DOCK4: variants seen among roughly 807,000 people sequenced by gnomAD.
DOCK4 encodes dedicator of cytokinesis 4.
DOCK4 carries 97 observed loss-of-function variants against 268.1 expected under a neutral mutation model. That is an observed-to-expected ratio of 0.36 (90% CI 0.31 to 0.43). The LOEUF (loss-of-function observed/expected upper bound fraction) is 0.43, where lower values mean the gene tolerates loss of function less well. DOCK4 is among the 20% of genes least tolerant of loss of function. The pLI is 1.00. For synonymous variants in DOCK4, 954 were observed against 887.2 expected (o/e 1.08, Z -1.34); for missense variants, 2,145 against 2,455.7 (o/e 0.87, Z 2.67).
At position 111,933,306 on chromosome 7, in the gene DOCK4, T is replaced by A. The variant is rs565680007; in HGVS notation, c.1066+2234A>T. ...TATATATATATATATATATTTTTTT[T>A]TTTTTTTGAGATGGAGTCTCTCTCT... is the stretch of plus-strand genomic sequence containing the variant. On this transcript the variant is annotated intron_variant, in intron 12 of 52. Coordinates refer to ENST00000428084, the MANE Select transcript of DOCK4 (RefSeq NM_001363540.2). Among the ~76,000 whole-genome samples the A allele has an allele frequency of 1.5e-3, 216 of 139,440 alleles. 12 individuals carry two copies. Among genetic ancestry groups the A allele is most frequent in the African/African-American group, 5.1e-3 (187 of 36,764 alleles). The allele number at this position is 139,440 out of a possible 152,430, so 91.5% of individuals were successfully genotyped here.
At chr7:111,960,111 A>T (rs1445455575) in intron 8 of DOCK4, among the ~76,000 whole-genome samples, 1 of 152,112 alleles carries the variant, frequency 6.6e-6, no homozygotes, top group African/African-American at 2.4e-5. Flanking sequence ...CACGCCTGTT[A>T]TCCTAGCACT....
intron 1 of DOCK4, among the ~76,000 whole-genome samples, chr7:112,018,542 T>C (rs1188057324): frequency 1.3e-5 from 2 of 152,326 alleles, no homozygotes; most frequent in African/African-American, 4.8e-5. Context: ...GCTAATGAAA[T>C]TAGCTTTCCA....
chr7:111,859,525 C>T (rs112306042), intron 23 of DOCK4, among the ~76,000 whole-genome samples: 2,523 of 151,572 alleles, frequency 0.017, 41 homozygotes, highest in Non-Finnish European at 0.028. Context: ...CTCAAAAAAT[C>T]CTTTTGCTGT....
rs1283579089 is a variant in DOCK4 at position 111,869,565 on chromosome 7, T to C, written c.2109+9A>G. 2 of 1,612,924 alleles carry C rather than the reference T, an allele frequency of 1.2e-6. No homozygotes were observed. Among genetic ancestry groups the C allele is most frequent in the Non-Finnish European group, 8.5e-7 (1 of 1,179,076 alleles). On this transcript the variant is annotated intron_variant, in intron 21 of 52. Coordinates refer to ENST00000428084, the MANE Select transcript of DOCK4 (RefSeq NM_001363540.2). ...TTAGACTCTGCTGTTATCAACAGCA[T>C]GTTATCACCTTCAGCACCTCCTGGA...
At chr7:112,100,600 C>A (rs1006208856) in intron 1 of DOCK4, among the ~76,000 whole-genome samples, 1 of 152,198 alleles carries the variant, frequency 6.6e-6, no homozygotes, top group Non-Finnish European at 1.5e-5. Flanking sequence ...AAGATGGCGA[C>A]GTACTTTGAG....
intron 1 of DOCK4, among the ~76,000 whole-genome samples, chr7:112,112,357 G>A (rs943482150): frequency 6.6e-6 from 1 of 152,120 alleles, no homozygotes; most frequent in African/African-American, 2.4e-5. Flanking sequence ...GAAGACGCTG[G>A]AGCTGGCTGG....
chr7:111,746,207 GA>G (rs1282561958), intron 44 of DOCK4, 126 bp downstream of exon 44: 14 of 659,560 alleles, frequency 2.1e-5, no homozygotes, highest in Non-Finnish European at 3.6e-5. Context: ...TATATTACAG[GA>G]ATCTGTCACC....
chr7:112,101,870 T>A (rs1197595370), intron 1 of DOCK4, among the ~76,000 whole-genome samples: 2 of 150,048 alleles, frequency 1.3e-5, no homozygotes, highest in African/African-American at 4.9e-5. Flanking sequence ...GAGACAAGAG[T>A]CTTGCTCTGT....
intron 1 of DOCK4, among the ~76,000 whole-genome samples, chr7:112,034,567 C>T (rs1381300740): frequency 1.3e-5 from 2 of 152,222 alleles, no homozygotes; most frequent in Non-Finnish European, 1.5e-5. Context: ...TCAAGTTGAA[C>T]CACGCATGGC....
At chr7:112,031,335 G>C (rs913358349) in intron 1 of DOCK4, among the ~76,000 whole-genome samples, 1 of 152,182 alleles carries the variant, frequency 6.6e-6, no homozygotes, top group African/African-American at 2.4e-5. Flanking sequence ...CTCCTCACCT[G>C]GTGAAAGTGA....
intron 50 of DOCK4, 54 bp downstream of exon 50, chr7:111,736,863 G>A (rs1795529316): frequency 2.7e-6 from 4 of 1,477,224 alleles, no homozygotes; most frequent in Non-Finnish European, 3.7e-6. Flanking sequence ...TGGAGAACAT[G>A]AGGATAAAAC....
chr7:111,979,306 T>C (rs565441734), intron 7 of DOCK4, among the ~76,000 whole-genome samples: 1 of 152,280 alleles, frequency 6.6e-6, no homozygotes, highest in South Asian at 2.1e-4. Flanking sequence ...TGGGAATCTC[T>C]TCGTAAAAGT....
chr7:112,172,744 T>C (rs919486583), intron 1 of DOCK4, among the ~76,000 whole-genome samples: 1 of 152,222 alleles, frequency 6.6e-6, no homozygotes, highest in Non-Finnish European at 1.5e-5. Context: ...ATATATCAAA[T>C]ACATAAGTAA....
intron 6 of DOCK4, 26 bp from the exon 7 acceptor site, chr7:111,984,416 G>A (rs750227541): frequency 5.0e-6 from 8 of 1,592,590 alleles, no homozygotes; most frequent in Admixed American, 1.8e-5. Context: ...CAAAAGTTTG[G>A]GGGAAAAGTT....
chr7:111,998,468 A>G lies in DOCK4; in HGVS notation c.198T>C (p.Asn66=). 1.3e-6 allele frequency: 2 copies of G among 1,590,960 alleles called. No homozygotes were observed. Among genetic ancestry groups the G allele is most frequent in the Non-Finnish European group, 1.7e-6 (2 of 1,166,628 alleles). The change falls in exon 4 of 53, where the codon AAT becomes AAC. Residue 66 remains asparagine (N), a synonymous_variant. Coordinates refer to ENST00000428084, the MANE Select transcript of DOCK4 (RefSeq NM_001363540.2). ...IFPSSYVHLK[N]ACVKNKGQFE... The stretch of plus-strand genomic sequence containing the variant: ...CTTACCCTTTGTTCTTTACACAGGC[A>G]TTTTTCAAGTGAACGTAGCTGGAAG...
chr7:112,161,010 C>T (rs1817067086), intron 1 of DOCK4, among the ~76,000 whole-genome samples: 1 of 152,194 alleles, frequency 6.6e-6, no homozygotes, highest in African/African-American at 2.4e-5. Context: ...GACAGAAAGA[C>T]TTAACAACTC....
At chr7:112,044,734 C>CT (rs1013017562) in intron 1 of DOCK4, among the ~76,000 whole-genome samples, 9 of 151,524 alleles carry the variant, frequency 5.9e-5, no homozygotes, top group East Asian at 3.9e-4. Flanking sequence ...GGCCCCAAAC[C>CT]TTTTTTTTTC....
At chr7:111,914,011 C>T (rs898401636) in intron 13 of DOCK4, among the ~76,000 whole-genome samples, 4 of 152,124 alleles carry the variant, frequency 2.6e-5, no homozygotes, top group African/African-American at 7.2e-5. Context: ...AACAAAGACT[C>T]GGGGGATGTG....
At chr7:112,145,952 TTA>T (rs896369543) in intron 1 of DOCK4, among the ~76,000 whole-genome samples, 3 of 152,206 alleles carry the variant, frequency 2.0e-5, no homozygotes, top group African/African-American at 7.2e-5. Context: ...TAGAATGTGC[TTA>T]TATGTTTGTT....
Sources: allele counts gnomAD v4.1 joint callset (sites outside exome capture counted in the v4.1 genomes callset), GRCh38; gene constraint gnomAD v4.1.1; transcripts MANE v1.5; gene names NCBI Gene and HGNC (gene_info 2026-07-23, HGNC 2026-07-21).